Variants in KCNMA1 observed in about 807,000 individuals in gnomAD.
KCNMA1 encodes potassium calcium-activated channel subfamily M alpha 1, also known as Calcium-activated potassium channel subunit alpha-1.
In KCNMA1, 29 loss-of-function variants were observed where a neutral mutation model predicts 140.0. The ratio of observed to expected loss-of-function variants is 0.21; its 90% CI spans 0.15 to 0.28. The LOEUF is 0.28. Among genes scored for constraint, KCNMA1 ranks in the 10% least tolerant of loss-of-function variants. The probability of loss-of-function intolerance (pLI) is 1.00; values close to 1 mark genes in which losing one functional copy is unlikely to be tolerated. For missense variants in KCNMA1, 880 were observed against 1,602.2 expected, an observed-to-expected ratio of 0.55 and a Z score of 7.70; for synonymous variants, 612 against 611.9, an observed-to-expected ratio of 1.00 and a Z score of 0.00.
chr10:76,908,606 A>C (rs1173088202), intron 25 of KCNMA1, among the ~76,000 whole-genome samples: 1 of 152,252 alleles, frequency 6.6e-6, no homozygotes, highest in Non-Finnish European at 1.5e-5. Context: ...TGAATAGATG[A>C]GACCAGTACA....
chr10:77,434,804 G>A (rs754487642), intron 1 of KCNMA1, among the ~76,000 whole-genome samples: 10 of 152,102 alleles, frequency 6.6e-5, no homozygotes, highest in Admixed American at 1.3e-4. Context: ...CAAGGTCAGC[G>A]GGTTTTGGAC....
chr10:77,361,093 CTA>C, intron 2 of KCNMA1, among the ~76,000 whole-genome samples: 2 of 152,306 alleles, frequency 1.3e-5, no homozygotes, highest in Admixed American at 1.3e-4. Context: ...CTTAATCTCT[CTA>C]AGCACAGATG....
chr10:77,077,890 T>G (rs1301477209), intron 13 of KCNMA1: 1 of 152,226 alleles, frequency 6.6e-6, no homozygotes, highest in Non-Finnish European at 1.5e-5. Context: ...CAGGCGAATG[T>G]GACCTTGGGT....
intron 3 of KCNMA1, among the ~76,000 whole-genome samples, chr10:77,227,646 T>C (rs1040676429): frequency 3.9e-5 from 6 of 152,248 alleles, no homozygotes; most frequent in African/African-American, 7.2e-5. Flanking sequence ...TCTGAAATCC[T>C]GACTATTTTG....
exon 28 of KCNMA1, chr10:76,871,475 C>T (rs910591728): frequency 6.6e-6 from 1 of 152,264 alleles, no homozygotes; most frequent in Non-Finnish European, 1.5e-5. Context: ...CGATCTATAA[C>T]ATTTATTTGC....
chr10:77,523,672 T>C (rs2154551360), intron 1 of KCNMA1, among the ~76,000 whole-genome samples: 1 of 152,370 alleles, frequency 6.6e-6, no homozygotes, highest in South Asian at 2.1e-4. Context: ...CAGTTTTGAA[T>C]ATGCATATAC....
intron 2 of KCNMA1, among the ~76,000 whole-genome samples, chr10:77,392,952 G>A (rs1430811464): frequency 1.3e-5 from 2 of 152,302 alleles, no homozygotes; most frequent in East Asian, 3.9e-4. Flanking sequence ...GTCCTGCCAA[G>A]GCATTTCCTG....
At chr10:76,925,216 T>G in intron 23 of KCNMA1, among the ~76,000 whole-genome samples, 1 of 152,240 alleles carries the variant, frequency 6.6e-6, no homozygotes, top group East Asian at 1.9e-4. Flanking sequence ...CTGTTTTATC[T>G]TCATATACCC....
intron 3 of KCNMA1, among the ~76,000 whole-genome samples, chr10:77,196,531 T>C (rs1029279187): frequency 8.5e-5 from 13 of 152,298 alleles, no homozygotes; most frequent in African/African-American, 2.9e-4. Flanking sequence ...GAACATGTTA[T>C]GAAATTCTAA....
intron 2 of KCNMA1, among the ~76,000 whole-genome samples, chr10:77,357,406 C>G (rs2093588927): frequency 6.6e-6 from 1 of 152,216 alleles, no homozygotes. Context: ...ATCTGACAGT[C>G]AGAGAGTATC....
intron 3 of KCNMA1, among the ~76,000 whole-genome samples, chr10:77,231,572 G>A (rs1445815990): frequency 6.6e-6 from 1 of 152,104 alleles, no homozygotes; most frequent in East Asian, 1.9e-4. Context: ...GCTTTTCTAG[G>A]AGGAAAATAC....
At chr10:76,882,701 G>A (rs1274897843), downstream of KCNMA1, among the ~76,000 whole-genome samples, 1 of 152,148 alleles carries the variant, frequency 6.6e-6, no homozygotes, top group Non-Finnish European at 1.5e-5. Context: ...GCCCTCCTCT[G>A]TGGCCCTTGG....
chr10:77,566,035 C>T (rs895894997), intron 1 of KCNMA1, among the ~76,000 whole-genome samples: 11 of 109,346 alleles, frequency 1.0e-4, no homozygotes, highest in Non-Finnish European at 9.5e-5. Context: ...TTTCTCTCCT[C>T]TTATTTCTCT....
At chr10:77,580,713 C>G (rs2075639543) in intron 1 of KCNMA1, among the ~76,000 whole-genome samples, 1 of 152,204 alleles carries the variant, frequency 6.6e-6, no homozygotes, top group African/African-American at 2.4e-5. Flanking sequence ...CAAGCCATAG[C>G]AGCCAAGGGC....
intron 19 of KCNMA1, among the ~76,000 whole-genome samples, chr10:76,990,432 T>C (rs1215616919): frequency 1.3e-5 from 2 of 152,194 alleles, no homozygotes; most frequent in Non-Finnish European, 2.9e-5. Flanking sequence ...CAGAATCCCC[T>C]AACATAGAGA....
chr10:77,473,683 T>G (rs1038604447), intron 1 of KCNMA1, among the ~76,000 whole-genome samples: 1 of 152,092 alleles, frequency 6.6e-6, no homozygotes, highest in Admixed American at 6.5e-5. Flanking sequence ...GGTGGGCCAG[T>G]GCGACCTTTC....
chr10:77,188,718 T>C (rs11592934), intron 3 of KCNMA1, among the ~76,000 whole-genome samples: 2,938 of 152,294 alleles, frequency 0.019, 48 homozygotes, highest in Non-Finnish European at 0.03. Flanking sequence ...CTCATCTACT[T>C]AGTCATAGAA....
intron 1 of KCNMA1, among the ~76,000 whole-genome samples, chr10:77,457,813 T>A (rs1732483865): frequency 6.6e-6 from 1 of 152,160 alleles, no homozygotes. Flanking sequence ...ATGGAGGGGC[T>A]GGGAAAACCC....
chr10:77,594,160 G>A (rs2080080518), intron 1 of KCNMA1, among the ~76,000 whole-genome samples: 1 of 152,216 alleles, frequency 6.6e-6, no homozygotes, highest in Non-Finnish European at 1.5e-5. Flanking sequence ...AAGTCAAGGT[G>A]AGGGGGCAGC....
Sources: gnomAD v4.1 joint callset for allele counts (sites outside exome capture counted in the v4.1 genomes callset) on GRCh38, gnomAD v4.1.1 for gene constraint, MANE v1.5 for transcripts, NCBI Gene and HGNC (gene_info 2026-07-23, HGNC 2026-07-21) for gene names.